RGL1: variants seen among roughly 807,000 people sequenced by gnomAD.
RGL1 encodes the protein ral guanine nucleotide dissociation stimulator like 1.
Under a neutral mutation model 95.2 loss-of-function variants are expected in RGL1, and 24 were observed. The ratio of observed to expected loss-of-function variants is 0.25; its 90% confidence interval spans 0.18 to 0.35. The LOEUF (loss-of-function observed/expected upper bound fraction) is 0.35. Ranked by LOEUF, RGL1 falls within the 10% of genes least tolerant of loss-of-function variation. The pLI is 1.00. For missense variants in RGL1, 715 were observed against 936.3 expected (o/e 0.76, Z 3.08); for synonymous variants, 329 against 344.9 (o/e 0.95, Z 0.51).
chr1:183,920,306 G>T (rs1669242030), intron 16 of RGL1, among the ~76,000 whole-genome samples: 1 of 152,154 alleles, frequency 6.6e-6, no homozygotes, highest in Admixed American at 6.5e-5. Context: ...AAGTTGGTGG[G>T]ATTACAGGCA....
chr1:183,833,432 A>G (rs921266744), intron 2 of RGL1, among the ~76,000 whole-genome samples: 1 of 152,150 alleles, frequency 6.6e-6, no homozygotes, highest in African/African-American at 2.4e-5. Context: ...TAAAATGCAG[A>G]CCACCTAGCC....
intron 1 of RGL1, among the ~76,000 whole-genome samples, chr1:183,697,556 T>C (rs1654326706): frequency 6.6e-6 from 1 of 152,240 alleles, no homozygotes; most frequent in Non-Finnish European, 1.5e-5. Flanking sequence ...AATGGAATTT[T>C]AATCATTTTA....
chr1:183,759,948 T>A (rs957155124), intron 2 of RGL1, among the ~76,000 whole-genome samples: 2 of 152,218 alleles, frequency 1.3e-5, no homozygotes, highest in Admixed American at 6.5e-5. Flanking sequence ...TACTGTAATA[T>A]CTCTGCATAT....
intron 1 of RGL1, among the ~76,000 whole-genome samples, chr1:183,735,798 T>C (rs1656903118): frequency 2.0e-5 from 3 of 152,242 alleles, no homozygotes; most frequent in African/African-American, 7.2e-5. Context: ...GATGTCTGTC[T>C]GTGCCCCAGT....
chr1:183,804,597 T>C (rs1005885781), upstream of RGL1, among the ~76,000 whole-genome samples: 6 of 152,178 alleles, frequency 3.9e-5, no homozygotes, highest in Non-Finnish European at 5.9e-5. Flanking sequence ...GGCCAGTTAC[T>C]GGGTAATTGG....
intron 14 of RGL1, among the ~76,000 whole-genome samples, chr1:183,908,687 T>A (rs1668479463): frequency 6.6e-6 from 1 of 151,856 alleles, no homozygotes; most frequent in Admixed American, 6.6e-5. Context: ...GATAGAGGAG[T>A]CCAGACATGC....
intron 1 of RGL1, among the ~76,000 whole-genome samples, chr1:183,688,473 A>T (rs1349569895): frequency 1.3e-5 from 2 of 152,136 alleles, no homozygotes; most frequent in Non-Finnish European, 2.9e-5. Context: ...AGAGAGAGAG[A>T]GAGACAGCAA....
At chr1:183,845,216 C>T (rs569758098) in intron 2 of RGL1, among the ~76,000 whole-genome samples, 11 of 152,260 alleles carry the variant, frequency 7.2e-5, no homozygotes, top group East Asian at 1.9e-4. Context: ...AACCGCCTGG[C>T]GATTGTTCGC....
intron 1 of RGL1, among the ~76,000 whole-genome samples, chr1:183,700,980 C>G (rs1194598689): frequency 6.6e-6 from 1 of 152,180 alleles, no homozygotes; most frequent in Non-Finnish European, 1.5e-5. Context: ...TGATCAACTC[C>G]CACTTATGAG....
At chr1:183,684,537 G>A (rs1280594879) in intron 1 of RGL1, among the ~76,000 whole-genome samples, 1 of 152,160 alleles carries the variant, frequency 6.6e-6, no homozygotes, top group East Asian at 1.9e-4. Flanking sequence ...CATGGGGGTG[G>A]GATCCACTGA....
rs537751695 is a variant in RGL1 at position 183,913,182 on chromosome 1, C to CTTTTT, written c.1749+938_1749+942dup. Among the ~76,000 whole-genome samples the CTTTTT allele has an allele frequency of 1.4e-3, 97 of 68,276 alleles. 16 individuals carry two copies. The highest frequency in any genetic ancestry group is 2.9e-3 in the African/African-American group (47 of 15,940). 44.8% of individuals were successfully genotyped at this position (68,276 alleles called of 152,430 possible). Reference sequence around the variant, plus strand: ...TAAGATCTTAATTAAGACCAGTCTTCTTTTTTTTTTTTTTTTTTTTTTTTT... The same window carrying CTTTTT: ...TAAGATCTTAATTAAGACCAGTCTTCTTTTTTTTTTTTTTTTTTTTTTTTTTTTTT... On this transcript the variant is annotated intron_variant, in intron 15 of 17. Transcript: ENST00000360851.
At chr1:183,854,252 G>T (rs3010060) in intron 3 of RGL1, among the ~76,000 whole-genome samples, 24,532 of 152,126 alleles carry the variant, frequency 0.16, 2,380 homozygotes, top group East Asian at 0.29. Context: ...TTAGATCATG[G>T]CCCATAAAGG....
At chr1:183,832,261 T>C (rs1289573317) in intron 2 of RGL1, among the ~76,000 whole-genome samples, 1 of 152,228 alleles carries the variant, frequency 6.6e-6, no homozygotes, top group Non-Finnish European at 1.5e-5. Flanking sequence ...AAGGATGATC[T>C]GTACATTTAT....
At chr1:183,755,976 C>T (rs964025182) in intron 2 of RGL1, among the ~76,000 whole-genome samples, 21 of 151,528 alleles carry the variant, frequency 1.4e-4, no homozygotes, top group Non-Finnish European at 2.2e-4. Flanking sequence ...CTCTGCCTCC[C>T]GGGTTCAAGC....
At chr1:183,673,297 TG>T (rs1652594996) in intron 1 of RGL1, among the ~76,000 whole-genome samples, 1 of 152,254 alleles carries the variant, frequency 6.6e-6, no homozygotes, top group Non-Finnish European at 1.5e-5. Flanking sequence ...TTTGGGTTCC[TG>T]AACTATATAG....
chr1:183,802,547 A>T (rs1661048314), upstream of RGL1, among the ~76,000 whole-genome samples: 1 of 144,296 alleles, frequency 6.9e-6, no homozygotes, highest in Non-Finnish European at 1.5e-5. Flanking sequence ...ATTTTAACAT[A>T]TTAAGTCTTT....
intron 17 of RGL1, among the ~76,000 whole-genome samples, chr1:183,925,149 G>A (rs187247265): frequency 1.7e-3 from 264 of 152,246 alleles, no homozygotes; most frequent in Admixed American, 3.7e-3. Flanking sequence ...GATATTTGCT[G>A]CAATATTTGC....
At chr1:183,867,343 G>A (rs1665899468) in intron 4 of RGL1, among the ~76,000 whole-genome samples, 1 of 85,632 alleles carries the variant, frequency 1.2e-5, no homozygotes. Flanking sequence ...AAGGATGGGG[G>A]AGGAGAAAAA....
intron 2 of RGL1, among the ~76,000 whole-genome samples, chr1:183,796,607 C>T (rs900276988): frequency 6.6e-6 from 1 of 152,160 alleles, no homozygotes; most frequent in African/African-American, 2.4e-5. Context: ...CTAGTTGTCT[C>T]TAACTGCAGA....
Sources: gnomAD v4.1 joint callset for allele counts (sites outside exome capture counted in the v4.1 genomes callset) on GRCh38, gnomAD v4.1.1 for gene constraint, MANE v1.5 for transcripts, NCBI Gene and HGNC (gene_info 2026-07-23, HGNC 2026-07-21) for gene names.